The following MALRD1 variants were observed in gnomAD, a reference collection of about 807,000 sequenced individuals.
MALRD1 encodes the protein MAM and LDL-receptor class A domain-containing protein 1.
A neutral mutation model predicts 242.1 loss-of-function variants in MALRD1; 247 were observed. The observed-to-expected ratio is 1.02, with a 90% CI of 0.92 to 1.13. The LOEUF (loss-of-function observed/expected upper bound fraction) is 1.13, where lower values mean the gene tolerates loss of function less well. MALRD1 is among the 50% of genes most tolerant of loss of function. The pLI is 0.00. For synonymous variants in MALRD1, 995 were observed against 866.6 expected, an observed-to-expected ratio of 1.15 and a Z score of -2.60; for missense variants, 2,989 against 2,533.1, an observed-to-expected ratio of 1.18 and a Z score of -3.86.
intron 5 of MALRD1, among the ~76,000 whole-genome samples, chr10:19,108,354 T>C (rs1836545773): frequency 6.7e-6 from 1 of 149,210 alleles, no homozygotes; most frequent in South Asian, 2.2e-4. Flanking sequence ...ATCTCTTTGT[T>C]CAAATAATTA....
At chr10:19,303,660 A>G (rs184496241) in intron 21 of MALRD1, among the ~76,000 whole-genome samples, 25 of 151,938 alleles carry the variant, frequency 1.6e-4, no homozygotes, top group Middle Eastern at 3.4e-3. Flanking sequence ...GATGATTTCT[A>G]TAATACATTA....
chr10:19,571,828 C>T (rs1836557832), intron 33 of MALRD1, among the ~76,000 whole-genome samples: 1 of 152,068 alleles, frequency 6.6e-6, no homozygotes, highest in African/African-American at 2.4e-5. Context: ...AACCAAGGCG[C>T]CTGAATTAAC....
At chr10:19,590,714 T>C (rs1043934730) in intron 33 of MALRD1, among the ~76,000 whole-genome samples, 1 of 152,162 alleles carries the variant, frequency 6.6e-6, no homozygotes, top group Non-Finnish European at 1.5e-5. Flanking sequence ...TGTGTGTGTG[T>C]CTGTGTGTGT....
At chr10:19,402,637 C>A (rs7086614) in intron 28 of MALRD1, among the ~76,000 whole-genome samples, 131,707 of 151,722 alleles carry the variant, frequency 0.87, 57,519 homozygotes, top group African/African-American at 0.92. Flanking sequence ...ACCCTATCTC[C>A]AAAAAAATGA....
chr10:19,123,891 A>C (rs528449755), intron 6 of MALRD1, among the ~76,000 whole-genome samples: 11 of 152,268 alleles, frequency 7.2e-5, no homozygotes, highest in Non-Finnish European at 1.2e-4. Flanking sequence ...TAAAGTAGAT[A>C]AGGTAAAATA....
At chr10:19,370,179 A>G (rs372667691) in intron 26 of MALRD1, among the ~76,000 whole-genome samples, 1 of 151,940 alleles carries the variant, frequency 6.6e-6, no homozygotes, top group African/African-American at 2.4e-5. Flanking sequence ...TAGATCTACA[A>G]CTGGTACTTT....
intron 26 of MALRD1, among the ~76,000 whole-genome samples, chr10:19,356,253 A>G (rs556901210): frequency 5.3e-5 from 8 of 152,092 alleles, no homozygotes; most frequent in African/African-American, 1.9e-4. Context: ...ATCTGTAACT[A>G]TATCTAACAT....
At chr10:19,700,592 C>G (rs1833578927) in intron 38 of MALRD1, among the ~76,000 whole-genome samples, 2 of 152,266 alleles carry the variant, frequency 1.3e-5, no homozygotes, top group South Asian at 4.1e-4. Context: ...TGACTCAAGT[C>G]TTGGTCTCTG....
intron 18 of MALRD1, 98 bp downstream of exon 18, chr10:19,209,778 T>A: frequency 7.9e-7 from 1 of 1,262,510 alleles, no homozygotes; most frequent in Non-Finnish European, 1.1e-6. Flanking sequence ...GCAAGTGGAA[T>A]TTGATCAAAG....
intron 38 of MALRD1, among the ~76,000 whole-genome samples, chr10:19,693,135 G>A (rs1349530728): frequency 1.3e-5 from 2 of 151,862 alleles, no homozygotes; most frequent in Admixed American, 6.6e-5. Flanking sequence ...ATGGGCAAAA[G>A]CTGGAAGCAT....
At chr10:19,633,836 CTTTCTTTT>C (rs1269640932) in intron 36 of MALRD1, 1 of 141,134 alleles carries the variant, frequency 7.1e-6, no homozygotes, top group African/African-American at 2.8e-5. Context: ...TTTTTCTTTT[CTTTCTTTT>C]TTTTTTTTTT....
At chr10:19,177,204 G>A (rs1835297380) in intron 14 of MALRD1, among the ~76,000 whole-genome samples, 6 of 150,078 alleles carry the variant, frequency 4.0e-5, no homozygotes, top group African/African-American at 4.9e-5. Context: ...GGCGTGAACC[G>A]AAGAGGCGGA....
intron 36 of MALRD1, among the ~76,000 whole-genome samples, chr10:19,636,176 CA>C (rs1840117273): frequency 6.6e-6 from 1 of 152,080 alleles, no homozygotes; most frequent in Non-Finnish European, 1.5e-5. Context: ...CAATAGGTAT[CA>C]GAAGACAACA....
intron 36 of MALRD1, among the ~76,000 whole-genome samples, chr10:19,683,047 A>G (rs1267582080): frequency 6.6e-6 from 1 of 151,982 alleles, no homozygotes; most frequent in African/African-American, 2.4e-5. Context: ...TAATCTCAGC[A>G]CTTTGGGAGG....
At chr10:19,586,029 G>C (rs1837375770) in intron 33 of MALRD1, among the ~76,000 whole-genome samples, 1 of 152,178 alleles carries the variant, frequency 6.6e-6, no homozygotes, top group African/African-American at 2.4e-5. Context: ...GGCTCCTGAG[G>C]CTTCTGCATT....
intron 21 of MALRD1, among the ~76,000 whole-genome samples, chr10:19,301,610 G>T (rs1342797075): frequency 6.6e-6 from 1 of 151,790 alleles, no homozygotes; most frequent in Non-Finnish European, 1.5e-5. Flanking sequence ...ATTAACACAG[G>T]AACAGAAAAG....
At chr10:19,723,695 TCACACCACTGTAAAC>T (rs1005474636) in intron 38 of MALRD1, among the ~76,000 whole-genome samples, 1 of 150,446 alleles carries the variant, frequency 6.6e-6, no homozygotes, top group Non-Finnish European at 1.5e-5. Flanking sequence ...TGAGCTATGA[TCACACCACTGTAAAC>T]CAGCCTAGGC....
chr10:19,650,890 G>A (rs1840849000), intron 36 of MALRD1, among the ~76,000 whole-genome samples: 1 of 152,138 alleles, frequency 6.6e-6, no homozygotes, highest in Non-Finnish European at 1.5e-5. Flanking sequence ...GAGAACAGGT[G>A]TCCTTTTGGC....
intron 11 of MALRD1, among the ~76,000 whole-genome samples, chr10:19,154,069 AT>A (rs1403425586): frequency 2.0e-5 from 3 of 152,192 alleles, no homozygotes; most frequent in African/African-American, 7.2e-5. Flanking sequence ...AGCATAGAGA[AT>A]TTAATGAACT....
Sources: allele counts gnomAD v4.1 joint callset (sites outside exome capture counted in the v4.1 genomes callset), GRCh38; gene constraint gnomAD v4.1.1; transcripts MANE v1.5; gene names NCBI Gene and HGNC (gene_info 2026-07-23, HGNC 2026-07-21).